IQSEC1: variants seen among roughly 807,000 people sequenced by gnomAD.
IQSEC1 encodes the protein IQ motif and Sec7 domain ArfGEF 1.
IQSEC1 carries 31 observed loss-of-function variants against 91.0 expected under a neutral mutation model. The observed-to-expected ratio is 0.34, with a 90% CI of 0.26 to 0.46. IQSEC1 has a LOEUF of 0.46. Ranked by LOEUF, IQSEC1 falls within the 20% of genes least tolerant of loss-of-function variation. The pLI is 1.00. For missense variants in IQSEC1, 1,388 were observed against 1,575.6 expected (o/e 0.88, Z 2.02); for synonymous variants, 699 against 662.6 (o/e 1.05, Z -0.84).
intron 1 of IQSEC1, among the ~76,000 whole-genome samples, chr3:13,208,754 C>T (rs1469922352): frequency 1.3e-5 from 2 of 152,212 alleles, no homozygotes; most frequent in African/African-American, 4.8e-5. Context: ...CCAACTCCGA[C>T]CCCCTTCATG....
chr3:13,263,427 TG>T (rs74458928), intron 1 of IQSEC1, among the ~76,000 whole-genome samples: 2,256 of 102,812 alleles, frequency 0.022, 66 homozygotes, highest in African/African-American at 0.028. Flanking sequence ...CTTTTTTTTT[TG>T]GGGGGGGGGG....
intron 1 of IQSEC1, among the ~76,000 whole-genome samples, chr3:13,199,965 TACACC>T (rs1339802293): frequency 8.0e-6 from 1 of 125,380 alleles, no homozygotes; most frequent in East Asian, 2.5e-4. Flanking sequence ...CACATACACA[TACACC>T]ACACCACATA....
intron 2 of IQSEC1, among the ~76,000 whole-genome samples, chr3:13,147,211 G>C (rs907004110): frequency 3.3e-5 from 5 of 152,180 alleles, no homozygotes; most frequent in Admixed American, 1.3e-4. Flanking sequence ...GCGGTTTTTG[G>C]TTATGTGGAT....
At chr3:13,126,698 T>C (rs1482524219) in intron 2 of IQSEC1, among the ~76,000 whole-genome samples, 1 of 152,252 alleles carries the variant, frequency 6.6e-6, no homozygotes, top group African/African-American at 2.4e-5. Flanking sequence ...TGGTCAGCCA[T>C]TTTCATTTTA....
chr3:13,037,494 T>C (rs1432055421), intron 1 of IQSEC1, among the ~76,000 whole-genome samples: 1 of 152,236 alleles, frequency 6.6e-6, no homozygotes, highest in Non-Finnish European at 1.5e-5. Context: ...CATTGCAATA[T>C]GGATGAATCT....
At chr3:13,013,678 C>A (rs1039348733) in intron 1 of IQSEC1, among the ~76,000 whole-genome samples, 3 of 152,152 alleles carry the variant, frequency 2.0e-5, no homozygotes, top group Non-Finnish European at 4.4e-5. Flanking sequence ...GCATGCATTG[C>A]GTTAGTCATA....
chr3:13,125,159 C>A (rs1235709828), intron 2 of IQSEC1, among the ~76,000 whole-genome samples: 1 of 152,212 alleles, frequency 6.6e-6, no homozygotes, highest in African/African-American at 2.4e-5. Flanking sequence ...CTTATAACAT[C>A]ATCTGTCTTC....
chr3:12,915,094 A>G lies in IQSEC1; in HGVS notation c.2190+10T>C. 1 of 1,603,356 alleles carries G rather than the reference A, an allele frequency of 6.2e-7. No individual in the cohort carries two copies. The highest frequency in any genetic ancestry group is 8.5e-7 in the Non-Finnish European group (1 of 1,174,098). Reference sequence around the variant, plus strand: ...GCTACCCACAAAGGTAAAACCAGAGAAATACTCACACAGCCGAGCCCGGGA... The same window carrying G: ...GCTACCCACAAAGGTAAAACCAGAGGAATACTCACACAGCCGAGCCCGGGA... On this transcript the variant is annotated intron_variant, in intron 8 of 13. Coordinates refer to ENST00000613206, the MANE Select transcript of IQSEC1 (RefSeq NM_001134382.3).
chr3:13,213,926 G>A (rs1032680987), intron 1 of IQSEC1, among the ~76,000 whole-genome samples: 3 of 152,122 alleles, frequency 2.0e-5, no homozygotes, highest in African/African-American at 7.2e-5. Flanking sequence ...GTTAGCCACT[G>A]AGCCTCACTG....
intron 2 of IQSEC1, among the ~76,000 whole-genome samples, chr3:13,114,419 G>A (rs57179147): frequency 0.13 from 19,355 of 152,170 alleles, 1,317 homozygotes; most frequent in South Asian, 0.15. Context: ...GTTAACAGGT[G>A]GGGGACCCAG....
At chr3:13,242,049 A>G (rs1695030015) in intron 1 of IQSEC1, among the ~76,000 whole-genome samples, 1 of 152,098 alleles carries the variant, frequency 6.6e-6, no homozygotes, top group African/African-American at 2.4e-5. Flanking sequence ...GTGCATATAT[A>G]TTTGTCTTTT....
At chr3:13,032,441 C>T (rs1425589411) in intron 1 of IQSEC1, among the ~76,000 whole-genome samples, 3 of 152,212 alleles carry the variant, frequency 2.0e-5, no homozygotes, top group Non-Finnish European at 2.9e-5. Flanking sequence ...CTGCAGGATG[C>T]GGATGGGCCA....
intron 2 of IQSEC1, among the ~76,000 whole-genome samples, chr3:13,134,972 ACT>A (rs1706684268): frequency 2.0e-5 from 3 of 152,118 alleles, no homozygotes; most frequent in African/African-American, 7.2e-5. Context: ...CCCCATGAGG[ACT>A]GGGGAATCTG....
chr3:13,229,038 T>C (rs1177891355), intron 1 of IQSEC1, among the ~76,000 whole-genome samples: 1 of 152,138 alleles, frequency 6.6e-6, no homozygotes, highest in Non-Finnish European at 1.5e-5. Context: ...GTATAGATTA[T>C]GGAATAAACA....
intron 1 of IQSEC1, among the ~76,000 whole-genome samples, chr3:13,206,822 C>T (rs987009192): frequency 1.3e-5 from 2 of 152,008 alleles, no homozygotes; most frequent in African/African-American, 2.4e-5. Context: ...CATAAATAAA[C>T]GGGGCCAGGC....
intron 1 of IQSEC1, among the ~76,000 whole-genome samples, chr3:12,996,902 C>G (rs1702246809): frequency 6.6e-6 from 1 of 152,196 alleles, no homozygotes; most frequent in African/African-American, 2.4e-5. Context: ...AATACTTTTG[C>G]TGCTAAAGGT....
chr3:13,196,895 G>A (rs1179844510), intron 1 of IQSEC1, among the ~76,000 whole-genome samples: 1 of 152,066 alleles, frequency 6.6e-6, no homozygotes, highest in Non-Finnish European at 1.5e-5. Context: ...CCAAGTCAGG[G>A]GGAGCAGGAG....
At chr3:13,272,605 C>T (rs1695607993) in intron 1 of IQSEC1, among the ~76,000 whole-genome samples, 1 of 152,202 alleles carries the variant, frequency 6.6e-6, no homozygotes, top group Non-Finnish European at 1.5e-5. Context: ...GTCAGAGTCA[C>T]CCCGCACACC....
intron 1 of IQSEC1, among the ~76,000 whole-genome samples, chr3:13,216,557 G>A (rs1694554702): frequency 1.3e-5 from 2 of 152,136 alleles, no homozygotes; most frequent in African/African-American, 4.8e-5. Flanking sequence ...GATTGCAGAG[G>A]GGAGCTGTGG....
Sources: gnomAD v4.1 joint callset for allele counts (sites outside exome capture counted in the v4.1 genomes callset) on GRCh38, gnomAD v4.1.1 for gene constraint, MANE v1.5 for transcripts, NCBI Gene and HGNC (gene_info 2026-07-23, HGNC 2026-07-21) for gene names.